The following GRM7 variants were observed in gnomAD, a reference collection of about 807,000 sequenced individuals.
GRM7 encodes metabotropic glutamate receptor 7.
Under a neutral mutation model 84.5 loss-of-function variants are expected in GRM7, and 35 were observed. The ratio of observed to expected loss-of-function variants is 0.41; its 90% CI spans 0.32 to 0.55. The LOEUF (loss-of-function observed/expected upper bound fraction) is 0.55, where lower values mean the gene tolerates loss of function less well. GRM7 is among the 20% of genes least tolerant of loss of function. The probability of loss-of-function intolerance (pLI) is 0.19; values close to 1 mark genes in which losing one functional copy is unlikely to be tolerated. For synonymous variants in GRM7, 487 were observed against 455.1 expected (o/e 1.07, Z -0.89); for missense variants, 1,003 against 1,194.6 (o/e 0.84, Z 2.36).
intron 1 of GRM7, among the ~76,000 whole-genome samples, chr3:7,023,793 G>A (rs1020113137): frequency 1.3e-5 from 2 of 152,032 alleles, no homozygotes; most frequent in African/African-American, 4.8e-5. Flanking sequence ...TCCAAGTAAG[G>A]TCACATTCAC....
At chr3:7,590,154 A>C (rs538452594) in intron 8 of GRM7, among the ~76,000 whole-genome samples, 1 of 152,300 alleles carries the variant, frequency 6.6e-6, no homozygotes, top group African/African-American at 2.4e-5. Context: ...AGTACCTGTA[A>C]CATGACCTGT....
At chr3:7,102,288 C>T (rs1393789707) in intron 1 of GRM7, among the ~76,000 whole-genome samples, 2 of 132,872 alleles carry the variant, frequency 1.5e-5, no homozygotes, top group African/African-American at 7.2e-5. Context: ...ATTTTGCCTT[C>T]GTATGTATTT....
At chr3:7,559,710 G>A (rs1330987324) in intron 7 of GRM7, among the ~76,000 whole-genome samples, 5 of 152,084 alleles carry the variant, frequency 3.3e-5, no homozygotes, top group Admixed American at 3.3e-4. Context: ...ACAAATCAGT[G>A]GTCTTACCTA....
At position 7,176,229 on chromosome 3, in the gene GRM7, TAAAAAAAAAAAAAAAA is replaced by T. The variant is rs55732650; in HGVS notation, c.736+29579_736+29594del. On this transcript the variant is annotated intron_variant, in intron 2 of 9. Transcript: ENST00000357716. ...AAGGAGACCTCATCTCTATAAAAAG[TAAAAAAAAAAAAAAAA>T]AAAAAAAAAAAAAAAAATAGCTGGG... Among the ~76,000 whole-genome samples, 604 of 63,180 alleles carry T rather than the reference TAAAAAAAAAAAAAAAA, an allele frequency of 9.6e-3. 5 individuals are homozygous for T. Among genetic ancestry groups the T allele is most frequent in the African/African-American group, 0.029 (458 of 15,858 alleles). The allele number at this position is 63,180 out of a possible 152,430, so 41.4% of individuals were successfully genotyped here.
chr3:7,718,088 C>G (rs1365622256), intron 9 of GRM7, among the ~76,000 whole-genome samples: 1 of 152,162 alleles, frequency 6.6e-6, no homozygotes, highest in East Asian at 1.9e-4. Context: ...ACCCTGGGGC[C>G]TTGGGAGTTA....
At chr3:7,089,869 G>A (rs914063442) in intron 1 of GRM7, among the ~76,000 whole-genome samples, 6 of 152,082 alleles carry the variant, frequency 3.9e-5, no homozygotes, top group Non-Finnish European at 8.8e-5. Flanking sequence ...TTGAGATGGA[G>A]TCTCCCTCTG....
rs562016813 is a variant in GRM7 at position 7,277,100 on chromosome 3, C to T, written c.737-21584C>T. Among the ~76,000 whole-genome samples, 18 of 151,916 alleles carry T rather than the reference C, an allele frequency of 1.2e-4. No individual in the cohort carries two copies. In the South Asian group the frequency reaches 3.1e-3, roughly 26 times the overall value. On this transcript the variant is annotated intron_variant, in intron 2 of 9. Transcript: ENST00000357716. The stretch of plus-strand genomic sequence containing the variant: ...ATAGCCACCATTTAAATGGTTTCAG[C>T]ATGGAAGAATTTGGAGATACGTGGG...
chr3:6,910,132 A>G (rs1696716432), intron 1 of GRM7, among the ~76,000 whole-genome samples: 1 of 152,142 alleles, frequency 6.6e-6, no homozygotes, highest in Non-Finnish European at 1.5e-5. Context: ...ATCAATAAGT[A>G]GTATGTGAAA....
chr3:7,338,625 G>A (rs1701518103), intron 4 of GRM7, among the ~76,000 whole-genome samples: 1 of 152,092 alleles, frequency 6.6e-6, no homozygotes. Flanking sequence ...ATGACCACAT[G>A]GGGGACATTC....
intron 1 of GRM7, among the ~76,000 whole-genome samples, chr3:6,932,247 AC>A (rs1697527057): frequency 6.6e-6 from 1 of 152,228 alleles, no homozygotes; most frequent in South Asian, 2.1e-4. Flanking sequence ...TACTTTGCCT[AC>A]CGAGGGCCCA....
At chr3:7,675,410 A>G (rs1353200733) in intron 8 of GRM7, among the ~76,000 whole-genome samples, 1 of 152,242 alleles carries the variant, frequency 6.6e-6, no homozygotes, top group Non-Finnish European at 1.5e-5. Context: ...GGTTGTGAGC[A>G]CTATGTAACA....
chr3:7,362,137 T>G (rs1693689666), intron 4 of GRM7, among the ~76,000 whole-genome samples: 1 of 152,072 alleles, frequency 6.6e-6, no homozygotes, highest in South Asian at 2.1e-4. Flanking sequence ...GTCATGTCAT[T>G]GTGATTGAAA....
intron 2 of GRM7, among the ~76,000 whole-genome samples, chr3:7,284,187 A>G (rs1163170293): frequency 6.6e-6 from 1 of 152,178 alleles, no homozygotes; most frequent in East Asian, 1.9e-4. Context: ...CACAATACTC[A>G]TAATCACAGA....
At chr3:7,166,021 C>T (rs913146937) in intron 2 of GRM7, among the ~76,000 whole-genome samples, 1 of 152,048 alleles carries the variant, frequency 6.6e-6, no homozygotes, top group Admixed American at 6.6e-5. Flanking sequence ...TTTTCTTTAT[C>T]TTACTATTAC....
At chr3:7,502,435 C>G (rs1466793305) in intron 7 of GRM7, among the ~76,000 whole-genome samples, 1 of 152,100 alleles carries the variant, frequency 6.6e-6, no homozygotes, top group Non-Finnish European at 1.5e-5. Flanking sequence ...TCTCAGTTTC[C>G]TAACATTAAA....
At chr3:7,201,157 G>T (rs1437143435) in intron 2 of GRM7, among the ~76,000 whole-genome samples, 1 of 151,852 alleles carries the variant, frequency 6.6e-6, no homozygotes, top group Non-Finnish European at 1.5e-5. Flanking sequence ...TTTTAGTAGA[G>T]ACAGCGTTTC....
chr3:7,332,698 C>T (rs1243774034), intron 4 of GRM7, among the ~76,000 whole-genome samples: 1 of 152,130 alleles, frequency 6.6e-6, no homozygotes, highest in Non-Finnish European at 1.5e-5. Context: ...GCTCCAAGAA[C>T]CACGACAGGA....
At chr3:7,298,938 T>G in intron 3 of GRM7, 113 bp downstream of exon 3, 1 of 964,412 alleles carries the variant, frequency 1.0e-6, no homozygotes, top group Non-Finnish European at 1.6e-6. Flanking sequence ...GCTGTAATCA[T>G]ACAGCGGCGA....
intron 4 of GRM7, among the ~76,000 whole-genome samples, chr3:7,362,506 C>T (rs1459285295): frequency 1.3e-5 from 2 of 151,366 alleles, no homozygotes; most frequent in African/African-American, 2.4e-5. Context: ...TTTTTCCCCA[C>T]AGCTAGTTAT....
Sources: allele counts gnomAD v4.1 joint callset (sites outside exome capture counted in the v4.1 genomes callset), GRCh38; gene constraint gnomAD v4.1.1; transcripts MANE v1.5; gene names NCBI Gene and HGNC (gene_info 2026-07-23, HGNC 2026-07-21).